ZC3H3: variants seen among roughly 807,000 people sequenced by gnomAD.
The protein encoded by ZC3H3 is zinc finger CCCH-type containing 3.
In ZC3H3, 36 loss-of-function variants were observed where a neutral mutation model predicts 77.3. The observed-to-expected ratio is 0.47, with a 90% CI of 0.36 to 0.61. The LOEUF (loss-of-function observed/expected upper bound fraction) is 0.61. Among genes scored for constraint, ZC3H3 ranks in the 20% least tolerant of loss-of-function variants. ZC3H3 has a pLI of 0.00. For missense variants in ZC3H3, 1,331 were observed against 1,312.2 expected (o/e 1.01, Z -0.22); for synonymous variants, 626 against 555.2 (o/e 1.13, Z -1.79).
At chr8:143,451,590 C>A (rs551243081) in intron 9 of ZC3H3, among the ~76,000 whole-genome samples, 1 of 152,024 alleles carries the variant, frequency 6.6e-6, no homozygotes, top group South Asian at 2.1e-4. Context: ...TCAAGACCAG[C>A]CTGGCCAACA....
At position 143,460,737 on chromosome 8, in the gene ZC3H3, C is replaced by A. The variant is rs905842637; in HGVS notation, c.2307+4980G>T. On this transcript the variant is annotated intron_variant, in intron 9 of 11. Transcript: ENST00000262577. This position sits in a 1 kb window ranked among gnomAD's most constrained non-coding sequence, Gnocchi z 4.0. ...AAGAAAGGAATGAGGTGCTGCTACA[C>A]GTGTGAACCCTGGAAACATTATGCC... Among the ~76,000 whole-genome samples, 1 of 152,168 alleles carries A rather than the reference C, an allele frequency of 6.6e-6. No individual in the cohort carries two copies. The highest frequency in any genetic ancestry group is 1.5e-5 in the Non-Finnish European group (1 of 68,034).
chr8:143,491,264 T>C (rs1316479674), intron 4 of ZC3H3, among the ~76,000 whole-genome samples: 2 of 152,168 alleles, frequency 1.3e-5, no homozygotes, highest in Non-Finnish European at 2.9e-5. Flanking sequence ...TTGTGCAAAC[T>C]GAAGGAAGGC....
intron 4 of ZC3H3, among the ~76,000 whole-genome samples, chr8:143,502,369 C>A (rs1323967958): frequency 6.6e-6 from 1 of 152,270 alleles, no homozygotes; most frequent in Non-Finnish European, 1.5e-5. Flanking sequence ...CGCAGCATCG[C>A]AGTGAGGACC....
chr8:143,465,736 T>C lies in ZC3H3; in HGVS notation c.2288A>G (p.Tyr763Cys). The change falls in exon 9 of 12, where the codon TAC (tyrosine) becomes TGC (cysteine). Residue 763 changes from tyrosine (Y) to cysteine (C), a missense_variant. Physicochemically the swap from Tyr to Cys is radical, Grantham distance 194. Around this residue, in one of 3 missense-constraint regions of ZC3H3, gnomAD observed 104 missense variants for 159.7 expected, o/e 0.65. Coordinates refer to ENST00000262577, the MANE Select transcript of ZC3H3 (RefSeq NM_015117.3). ...ACTCACCTTTGCACCCAGGGGGCAG[T>C]AGCCTTTGAGGAAGTCGCTGCAGAC... is the stretch of plus-strand genomic sequence containing the variant. ...AEVCSDFLKG[Y>C]CPLGAKCKKK... 1 of 1,613,854 alleles carries C rather than the reference T, an allele frequency of 6.2e-7. No individual in the cohort carries two copies. Among genetic ancestry groups the C allele is most frequent in the Admixed American group, 1.7e-5 (1 of 60,020 alleles).
chr8:143,507,626 C>A, intron 4 of ZC3H3, 120 bp downstream of exon 4: 1 of 1,208,788 alleles, frequency 8.3e-7, no homozygotes, highest in Non-Finnish European at 1.1e-6. Flanking sequence ...AGCCCAACAC[C>A]AAGCAGTTCT....
In ZC3H3 at chr8:143,539,329, A is replaced by C; in HGVS notation, c.47-9T>G. 1.3e-6 allele frequency: 2 copies of C among 1,587,566 alleles called. No homozygotes were observed. The highest frequency in any genetic ancestry group is 1.7e-6 in the Non-Finnish European group (2 of 1,166,672). On this transcript the variant is annotated splice_polypyrimidine_tract_variant and intron_variant, in intron 1 of 11. Transcript: ENST00000262577. ...GTAGTCATCAATCAGACCTGAGAAG[A>C]CAGAACCACAGGCCCAGTTAGCCAG...
chr8:143,477,765 C>A (rs376968218), intron 4 of ZC3H3, among the ~76,000 whole-genome samples: 1 of 152,336 alleles, frequency 6.6e-6, no homozygotes, highest in African/African-American at 2.4e-5. Context: ...CCTGCACCAG[C>A]CCCACAGTAC....
chr8:143,468,261 C>A lies in ZC3H3; in HGVS notation c.2123G>T (p.Cys708Phe). 1 of 1,613,086 alleles carries A rather than the reference C, an allele frequency of 6.2e-7. No homozygotes were observed. The highest frequency in any genetic ancestry group is 8.5e-7 in the Non-Finnish European group (1 of 1,179,960). Residue 708 changes from cysteine to phenylalanine, a missense_variant, in exon 8 of 12, where the codon TGC becomes TTC. By Grantham distance (205) the Cys-to-Phe change is radical (BLOSUM62 -2). This residue lies in a region of ZC3H3 where 104 missense variants were observed against 159.7 expected (regional missense o/e 0.65). Coordinates refer to ENST00000262577, the MANE Select transcript of ZC3H3 (RefSeq NM_015117.3). ...AVCTRFVRGTCKKTDGTCPFS... is the reference protein window; with the variant it reads ...AVCTRFVRGTFKKTDGTCPFS... ...GGGGCAGGTCCCATCCGTTTTCTTG[C>A]AGGTGCCCCGGACAAACCTGCAGCA...
intron 4 of ZC3H3, among the ~76,000 whole-genome samples, chr8:143,490,334 C>T (rs1003782929): frequency 5.3e-5 from 8 of 152,332 alleles, no homozygotes; most frequent in African/African-American, 1.7e-4. Flanking sequence ...ACTCCCACCC[C>T]CAACAGGCCC....
intron 4 of ZC3H3, among the ~76,000 whole-genome samples, chr8:143,483,718 C>T (rs932126912): frequency 1.3e-5 from 2 of 152,188 alleles, no homozygotes; most frequent in Non-Finnish European, 2.9e-5. Flanking sequence ...GCTATGGCCA[C>T]CTCATCTCAC....
intron 9 of ZC3H3, among the ~76,000 whole-genome samples, chr8:143,455,125 C>T (rs1314095034): frequency 6.6e-6 from 1 of 151,890 alleles, no homozygotes; most frequent in African/African-American, 2.4e-5. Context: ...ACCACCCTGG[C>T]CAACACAGTG....
chr8:143,455,101 G>A (rs1231012870), intron 9 of ZC3H3, among the ~76,000 whole-genome samples: 3 of 151,928 alleles, frequency 2.0e-5, no homozygotes, highest in Non-Finnish European at 2.9e-5. Context: ...GGATCAGGGG[G>A]TCAGGAGTTC....
chr8:143,506,013 T>A (rs371984835), intron 4 of ZC3H3, among the ~76,000 whole-genome samples: 2 of 152,338 alleles, frequency 1.3e-5, no homozygotes, highest in East Asian at 3.9e-4. Context: ...CTCAGCCACA[T>A]GGCGCCGACA....
intron 9 of ZC3H3, among the ~76,000 whole-genome samples, chr8:143,458,589 G>A (rs1820180393): frequency 9.1e-6 from 1 of 109,780 alleles, no homozygotes; most frequent in Admixed American, 8.8e-5. Flanking sequence ...AGGATCACTT[G>A]AGCCCAGGAC....
chr8:143,477,896 C>T (rs1820782869), intron 4 of ZC3H3, among the ~76,000 whole-genome samples: 1 of 152,212 alleles, frequency 6.6e-6, no homozygotes, highest in South Asian at 2.1e-4. Flanking sequence ...GGGGCCAAAG[C>T]TAACTGTGGT....
At chr8:143,518,026 G>A (rs1302259977) in intron 3 of ZC3H3, among the ~76,000 whole-genome samples, 1 of 152,136 alleles carries the variant, frequency 6.6e-6, no homozygotes, top group African/African-American at 2.4e-5. Flanking sequence ...ACCTAGAGGC[G>A]GCCACTCAGC....
At chr8:143,516,499 C>T (rs971235108) in intron 3 of ZC3H3, among the ~76,000 whole-genome samples, 3 of 151,354 alleles carry the variant, frequency 2.0e-5, no homozygotes, top group Non-Finnish European at 4.4e-5. Flanking sequence ...CTCAAAGCCT[C>T]GTCAGCGCGA....
chr8:143,441,309 C>T (rs1819736434), intron 9 of ZC3H3, among the ~76,000 whole-genome samples, 189 bp from the exon 10 acceptor site: 1 of 152,186 alleles, frequency 6.6e-6, no homozygotes, highest in African/African-American at 2.4e-5. Context: ...CACCTGGGCC[C>T]TCACCCACCC....
At chr8:143,539,346 G>A (rs763947414) in intron 1 of ZC3H3, 26 bp from the exon 2 acceptor site, 1 of 1,571,818 alleles carries the variant, frequency 6.4e-7, no homozygotes, top group Non-Finnish European at 8.6e-7. Context: ...CACAGGCCCA[G>A]TTAGCCAGAG....
Sources: gnomAD v4.1 joint callset for allele counts (sites outside exome capture counted in the v4.1 genomes callset) on GRCh38, gnomAD v4.1.1 for gene constraint, gnomAD v4.1.1 regional missense constraint, Gnocchi (gnomAD v3.1) non-coding constraint, MANE v1.5 for transcripts, NCBI Gene and HGNC (gene_info 2026-07-23, HGNC 2026-07-21) for gene names.